RAI1: variants seen among roughly 807,000 people sequenced by gnomAD.
RAI1 encodes the protein retinoic acid induced 1, also known as retinoic acid-induced protein 1.
Under a neutral mutation model 123.8 loss-of-function variants are expected in RAI1, and 9 were observed. The observed-to-expected ratio is 0.07, with a 90% CI of 0.04 to 0.13. The LOEUF (loss-of-function observed/expected upper bound fraction) is 0.13. Among genes scored for constraint, RAI1 ranks in the 10% least tolerant of loss-of-function variants. RAI1 has a pLI of 1.00. For synonymous variants in RAI1, 1,231 were observed against 1,127.3 expected, an observed-to-expected ratio of 1.09 and a Z score of -1.84; for missense variants, 2,256 against 2,545.8, an observed-to-expected ratio of 0.89 and a Z score of 2.45.
intron 1 of RAI1, among the ~76,000 whole-genome samples, chr17:17,682,747 G>A (rs1282497296): frequency 1.3e-5 from 2 of 152,142 alleles, no homozygotes; most frequent in Non-Finnish European, 2.9e-5. Flanking sequence ...CCGTTTTCCC[G>A]GCTAGCAGTT....
intron 2 of RAI1, among the ~76,000 whole-genome samples, chr17:17,741,573 G>A (rs1916637966): frequency 6.6e-6 from 1 of 152,258 alleles, no homozygotes; most frequent in South Asian, 2.1e-4. Context: ...AGCTGGCTCT[G>A]TCTGGAACTG....
At position 17,809,860 on chromosome 17, in the gene RAI1, C is replaced by T. The variant is rs1567941971; in HGVS notation, c.5710-110C>T. The T allele has an allele frequency of 2.7e-6, 4 of 1,500,114 alleles. No individual in the cohort carries two copies. Among genetic ancestry groups the T allele is most frequent in the Non-Finnish European group, 3.6e-6 (4 of 1,105,964 alleles). 92.9% of individuals were successfully genotyped at this position (1,500,114 alleles called of 1,614,324 possible). A position where few individuals can be genotyped will look rare whatever the true frequency, so the allele number is the denominator to read the frequency against. ...CTCGGGCGGAGACCCCAGCCGCGCT[C>T]TGGGGTCGCCTGGGTCTGGGGCTTA... On this transcript the variant is annotated intron_variant, in intron 5 of 5. Transcript: ENST00000353383. This position sits in a 1 kb window ranked among gnomAD's most constrained non-coding sequence, Gnocchi z 4.9.
chr17:17,699,729 C>T (rs1472315181), intron 1 of RAI1, among the ~76,000 whole-genome samples: 3 of 152,164 alleles, frequency 2.0e-5, no homozygotes, highest in Non-Finnish European at 4.4e-5. Flanking sequence ...TACCCTGCTT[C>T]CCCCGGCCAC....
rs140403527 is a variant in RAI1, at chr17:17,732,420, CAG to C, written c.-17+8262_-17+8263del. ...TCTGTCTGGGAGAGGGGGATGGGAT[CAG>C]GGGTCACACTGTGGTGACTGGATCT... On this transcript the variant is annotated intron_variant, in intron 2 of 5. Transcript: ENST00000353383. Among the ~76,000 whole-genome samples the C allele has an allele frequency of 3.3e-3, 500 of 152,280 alleles. 7 individuals are homozygous for C. Among genetic ancestry groups the C allele is most frequent in the East Asian group, 0.03 (154 of 5,180 alleles).
intron 2 of RAI1, among the ~76,000 whole-genome samples, chr17:17,792,519 C>G (rs2032053137): frequency 7.8e-6 from 1 of 128,916 alleles, no homozygotes; most frequent in African/African-American, 2.9e-5. Context: ...TGCTTTTGAG[C>G]TGTCAGGAAG....
chr17:17,725,082 C>T (rs1465334406), intron 2 of RAI1, among the ~76,000 whole-genome samples: 1 of 138,810 alleles, frequency 7.2e-6, no homozygotes, highest in African/African-American at 2.7e-5. Flanking sequence ...GGGGGAGGGG[C>T]TTGTTTTGGT....
chr17:17,737,980 T>C (rs1007366720), intron 2 of RAI1, among the ~76,000 whole-genome samples: 1 of 152,048 alleles, frequency 6.6e-6, no homozygotes, highest in African/African-American at 2.4e-5. Flanking sequence ...CCCCCCACCC[T>C]GGCCCCAGAA....
intron 2 of RAI1, chr17:17,759,038 T>G (rs542423139): frequency 3.5e-4 from 54 of 152,344 alleles, no homozygotes; most frequent in African/African-American, 1.3e-3. Context: ...GGAACAAAGA[T>G]TTGGGTTTGG....
At chr17:17,757,704 C>T (rs961858881) in intron 2 of RAI1, among the ~76,000 whole-genome samples, 1 of 152,228 alleles carries the variant, frequency 6.6e-6, no homozygotes, top group African/African-American at 2.4e-5. Context: ...CTGTAATCAG[C>T]CCCACACAGC....
At chr17:17,728,271 G>A (rs1322288667) in intron 2 of RAI1, among the ~76,000 whole-genome samples, 1 of 152,094 alleles carries the variant, frequency 6.6e-6, no homozygotes, top group Non-Finnish European at 1.5e-5. Flanking sequence ...GTGGCTGGGT[G>A]GGCGAAGAGA....
chr17:17,685,453 G>T lies in RAI1; in HGVS notation c.-149+3660G>T, dbSNP rs772374794. Among the ~76,000 whole-genome samples the T allele has an allele frequency of 6.6e-6, 1 of 152,246 alleles. No homozygotes were observed. The highest frequency in any genetic ancestry group is 1.5e-5 in the Non-Finnish European group (1 of 68,044). Reference sequence around the variant, plus strand: ...GCCTTTGAGCAGGTGCTTCAGGCACGGCGAGGTAAGAGTGAGAGGAGCATT... The same window carrying T: ...GCCTTTGAGCAGGTGCTTCAGGCACTGCGAGGTAAGAGTGAGAGGAGCATT... On this transcript the variant is annotated intron_variant, in intron 1 of 5. Transcript: ENST00000353383. The surrounding 1 kb of genome is among the most constrained non-coding windows in gnomAD (Gnocchi z 4.0).
rs1359749042 is a variant in RAI1, at chr17:17,811,089, G to A, written c.*1108G>A. On this transcript the variant is annotated 3_prime_UTR_variant, in exon 6 of 6. Coordinates refer to ENST00000353383, the MANE Select transcript of RAI1 (RefSeq NM_030665.4). ...GGCCCGGGCCAGTCCCTGCCAGTCC[G>A]TCCGCCTGTCCGTCCGTGTCCTCAG... 3 of 286,918 alleles carry A rather than the reference G, an allele frequency of 1.0e-5. No individual in the cohort carries two copies. Among genetic ancestry groups the A allele is most frequent in the Non-Finnish European group, 1.4e-5 (2 of 143,984 alleles). The allele number at this position is 286,918 out of a possible 1,614,324, so 17.8% of individuals were successfully genotyped here.
In RAI1 at chr17:17,800,213, TC is replaced by T; in HGVS notation, c.5565+1701del. Among the ~76,000 whole-genome samples the T allele has an allele frequency of 7.0e-6, 1 of 143,080 alleles. No individual in the cohort carries two copies. Among genetic ancestry groups the T allele is most frequent in the South Asian group, 2.2e-4 (1 of 4,596 alleles). 93.9% of individuals were successfully genotyped at this position (143,080 alleles called of 152,430 possible). A position where few individuals can be genotyped will look rare whatever the true frequency, so the allele number is the denominator to read the frequency against. Reference sequence around the variant, plus strand: ...CTCTCTCTCTCTCTCTCTCTCTCTCTCTCTCTCTCTCTCTCATTACTGGCTC... The same window carrying T: ...CTCTCTCTCTCTCTCTCTCTCTCTCTTCTCTCTCTCTCTCATTACTGGCTC... On this transcript the variant is annotated intron_variant, in intron 3 of 5. Coordinates refer to ENST00000353383, the MANE Select transcript of RAI1 (RefSeq NM_030665.4). The surrounding 1 kb of genome is among the most constrained non-coding windows in gnomAD (Gnocchi z 4.7).
intron 2 of RAI1, 26 bp from the exon 3 acceptor site, chr17:17,792,907 C>G: frequency 3.0e-6 from 3 of 986,488 alleles, no homozygotes; most frequent in Non-Finnish European, 3.2e-6. Flanking sequence ...TTCCCTCCCT[C>G]CCTCCCTTCC....
At chr17:17,723,580 G>T (rs1241455584) in intron 1 of RAI1, among the ~76,000 whole-genome samples, 1 of 146,072 alleles carries the variant, frequency 6.8e-6, no homozygotes, top group Non-Finnish European at 1.5e-5. Context: ...GCCTCGCAGC[G>T]GGTGACCCCG....
At chr17:17,696,695 C>A (rs1915049312) in intron 1 of RAI1, among the ~76,000 whole-genome samples, 1 of 152,194 alleles carries the variant, frequency 6.6e-6, no homozygotes, top group Non-Finnish European at 1.5e-5. Flanking sequence ...GTCAGGGGGT[C>A]CTGCTTGCTG....
intron 1 of RAI1, among the ~76,000 whole-genome samples, chr17:17,703,021 A>C (rs1163705856): frequency 1.3e-5 from 2 of 152,226 alleles, no homozygotes; most frequent in South Asian, 4.1e-4. Context: ...TTAGCACTGT[A>C]CTTTACGTGT....
chr17:17,776,196 A>C (rs1013114710), intron 2 of RAI1, among the ~76,000 whole-genome samples: 33 of 152,242 alleles, frequency 2.2e-4, no homozygotes, highest in Non-Finnish European at 4.6e-4. Context: ...AGGTCAACCC[A>C]CCAGCCTAGA....
chr17:17,760,166 A>C (rs1053162994), intron 2 of RAI1, among the ~76,000 whole-genome samples: 1 of 152,204 alleles, frequency 6.6e-6, no homozygotes, highest in African/African-American at 2.4e-5. Context: ...ACAAGTGCCC[A>C]GGTCACTGTG....
Sources: gnomAD v4.1 joint callset for allele counts (sites outside exome capture counted in the v4.1 genomes callset) on GRCh38, gnomAD v4.1.1 for gene constraint, Gnocchi (gnomAD v3.1) non-coding constraint, MANE v1.5 for transcripts, NCBI Gene and HGNC (gene_info 2026-07-23, HGNC 2026-07-21) for gene names.